The following FOXP2 variants were observed in gnomAD, a reference collection of about 807,000 sequenced individuals.
FOXP2 encodes forkhead box P2, also known as forkhead box protein P2.
Under a neutral mutation model 115.8 loss-of-function variants are expected in FOXP2, and 12 were observed. The ratio of observed to expected loss-of-function variants is 0.10; its 90% CI spans 0.07 to 0.17. FOXP2 has a LOEUF of 0.17. Among genes scored for constraint, FOXP2 ranks in the 10% least tolerant of loss-of-function variants. The pLI, the probability that FOXP2 is intolerant of heterozygous loss-of-function variation, is 1.00. For synonymous variants in FOXP2, 328 were observed against 297.7 expected (o/e 1.10, Z -1.05); for missense variants, 629 against 843.5 (o/e 0.75, Z 3.15).
At chr7:114,298,701 T>A (rs1254129122) in intron 2 of FOXP2, among the ~76,000 whole-genome samples, 1 of 152,174 alleles carries the variant, frequency 6.6e-6, no homozygotes, top group Non-Finnish European at 1.5e-5. Flanking sequence ...TCTCCAGTAG[T>A]CTATTGCCCA....
At chr7:114,481,490 G>C (rs768825138) in intron 2 of FOXP2, among the ~76,000 whole-genome samples, 2 of 151,208 alleles carry the variant, frequency 1.3e-5, no homozygotes, top group Non-Finnish European at 3.0e-5. Flanking sequence ...AGCGTAATAG[G>C]TTAAAATAGC....
chr7:114,512,821 C>T (rs1798139686), intron 2 of FOXP2, among the ~76,000 whole-genome samples: 1 of 152,094 alleles, frequency 6.6e-6, no homozygotes, highest in South Asian at 2.1e-4. Context: ...TGGTGACTCA[C>T]ACCTGTAATC....
chr7:114,144,659 GA>G, intron 1 of FOXP2, among the ~76,000 whole-genome samples: 1 of 152,066 alleles, frequency 6.6e-6, no homozygotes, highest in South Asian at 2.1e-4. Context: ...ATTAAACTAA[GA>G]CCCTTAAAAT....
At chr7:114,118,261 C>T (rs947544696) in intron 1 of FOXP2, among the ~76,000 whole-genome samples, 7 of 152,062 alleles carry the variant, frequency 4.6e-5, no homozygotes, top group Admixed American at 2.6e-4. Context: ...AGAATTTATG[C>T]CACTCATACT....
chr7:114,446,175 G>T (rs1192840869), intron 2 of FOXP2, among the ~76,000 whole-genome samples: 1 of 152,008 alleles, frequency 6.6e-6, no homozygotes, highest in African/African-American at 2.4e-5. Context: ...TGTCAAAGAA[G>T]TTTTATAGGC....
chr7:114,656,419 G>A (rs1237320352), intron 10 of FOXP2: 1 of 411,558 alleles, frequency 2.4e-6, no homozygotes, highest in African/African-American at 2.1e-5. Context: ...TTATGTATAT[G>A]TTCTGATGTT....
chr7:114,685,272 T>C (rs1808302953), intron 16 of FOXP2, among the ~76,000 whole-genome samples: 1 of 152,196 alleles, frequency 6.6e-6, no homozygotes, highest in South Asian at 2.1e-4. Context: ...ATGCATACAG[T>C]AGAGTCCTAT....
intron 2 of FOXP2, among the ~76,000 whole-genome samples, chr7:114,365,753 T>C (rs926956335): frequency 2.0e-5 from 3 of 152,166 alleles, no homozygotes; most frequent in African/African-American, 7.2e-5. Context: ...TTTCTTTTTA[T>C]GAAAAAATGT....
At chr7:114,643,776 T>G (rs1229032783) in intron 7 of FOXP2, among the ~76,000 whole-genome samples, 1 of 152,196 alleles carries the variant, frequency 6.6e-6, no homozygotes, top group Non-Finnish European at 1.5e-5. Flanking sequence ...TGTAGAATTC[T>G]TAACATAATG....
At chr7:114,108,809 C>A (rs1791189467) in intron 1 of FOXP2, among the ~76,000 whole-genome samples, 1 of 151,852 alleles carries the variant, frequency 6.6e-6, no homozygotes, top group South Asian at 2.1e-4. Context: ...TTTTGATATG[C>A]CTGAAAGCCT....
chr7:114,318,726 T>TATAC (rs1417603943), intron 2 of FOXP2, among the ~76,000 whole-genome samples: 3 of 151,086 alleles, frequency 2.0e-5, no homozygotes, highest in African/African-American at 7.3e-5. Context: ...TATATATATA[T>TATAC]ACACACACAC....
intron 1 of FOXP2, among the ~76,000 whole-genome samples, chr7:114,103,505 T>C (rs1791039006): frequency 1.3e-5 from 2 of 152,058 alleles, no homozygotes; most frequent in Admixed American, 1.3e-4. Context: ...TTATTTTTGA[T>C]GTAAACCTTG....
intron 2 of FOXP2, among the ~76,000 whole-genome samples, chr7:114,504,837 G>C (rs1218471762): frequency 6.6e-6 from 1 of 151,578 alleles, no homozygotes; most frequent in African/African-American, 2.4e-5. Flanking sequence ...ATCACATAGA[G>C]ATTAAATGAC....
intron 2 of FOXP2, among the ~76,000 whole-genome samples, chr7:114,379,540 C>A (rs1427576379): frequency 6.6e-6 from 1 of 152,036 alleles, no homozygotes; most frequent in Non-Finnish European, 1.5e-5. Flanking sequence ...GGGAGGGGTG[C>A]CTTCGACATC....
chr7:114,437,536 T>A (rs1320983433), intron 2 of FOXP2, among the ~76,000 whole-genome samples: 3 of 152,216 alleles, frequency 2.0e-5, no homozygotes, highest in Non-Finnish European at 4.4e-5. Context: ...GAGATAAGAA[T>A]AAACCCTGTT....
intron 1 of FOXP2, among the ~76,000 whole-genome samples, chr7:114,203,888 G>A (rs1794136293): frequency 6.6e-6 from 1 of 151,870 alleles, no homozygotes; most frequent in African/African-American, 2.4e-5. Context: ...CTACATTGAG[G>A]GTATGGGTGG....
chr7:114,292,312 A>G (rs1463596261), intron 2 of FOXP2, among the ~76,000 whole-genome samples: 1 of 152,134 alleles, frequency 6.6e-6, no homozygotes, highest in Non-Finnish European at 1.5e-5. Flanking sequence ...TAATAAGAAT[A>G]TTGTTGAAAC....
intron 2 of FOXP2, among the ~76,000 whole-genome samples, chr7:114,304,867 G>A (rs1209231647): frequency 6.6e-6 from 1 of 151,870 alleles, no homozygotes; most frequent in Non-Finnish European, 1.5e-5. Flanking sequence ...CAACGTTAAA[G>A]GCATTTAAGA....
chr7:114,391,628 T>C (rs1250822520), intron 2 of FOXP2, among the ~76,000 whole-genome samples: 11 of 152,230 alleles, frequency 7.2e-5, no homozygotes, highest in Non-Finnish European at 1.5e-5. Context: ...CTGAAGGTAG[T>C]AATGGAACTC....
Sources: gnomAD v4.1 joint callset for allele counts (sites outside exome capture counted in the v4.1 genomes callset) on GRCh38, gnomAD v4.1.1 for gene constraint, MANE v1.5 for transcripts, NCBI Gene and HGNC (gene_info 2026-07-23, HGNC 2026-07-21) for gene names.